The following GRID2 variants were observed in gnomAD, a reference collection of about 807,000 sequenced individuals.
GRID2 encodes glutamate receptor ionotropic, delta-2.
In GRID2, 33 loss-of-function variants were observed where a neutral mutation model predicts 114.8. That is an observed-to-expected ratio of 0.29 (90% CI 0.22 to 0.38). The LOEUF (loss-of-function observed/expected upper bound fraction) is 0.38. Among genes scored for constraint, GRID2 ranks in the 10% least tolerant of loss-of-function variants. The pLI is 1.00. For missense variants in GRID2, 1,184 were observed against 1,257.7 expected (o/e 0.94, Z 0.89); for synonymous variants, 505 against 449.9 (o/e 1.12, Z -1.55).
intron 2 of GRID2, among the ~76,000 whole-genome samples, chr4:92,773,254 A>C (rs75907058): frequency 0.012 from 1,880 of 152,348 alleles, 15 homozygotes; most frequent in Non-Finnish European, 0.018. Context: ...CCACTCTGGC[A>C]TCAGTTGAAA....
At chr4:92,372,034 A>G (rs925389235) in intron 1 of GRID2, among the ~76,000 whole-genome samples, 2 of 152,312 alleles carry the variant, frequency 1.3e-5, no homozygotes, top group Middle Eastern at 3.4e-3. Flanking sequence ...CAAAAGAACT[A>G]TAATTGAAAG....
At chr4:93,288,267 G>T (rs1036663697) in intron 8 of GRID2, among the ~76,000 whole-genome samples, 10 of 152,146 alleles carry the variant, frequency 6.6e-5, no homozygotes, top group African/African-American at 1.2e-4. Context: ...GCAGCAGTTG[G>T]ATTGATAGAA....
At chr4:93,319,260 G>GT (rs772504057) in intron 8 of GRID2, among the ~76,000 whole-genome samples, 4 of 152,062 alleles carry the variant, frequency 2.6e-5, no homozygotes, top group Non-Finnish European at 5.9e-5. Context: ...TCAATATGTT[G>GT]TTTTTCATAA....
At chr4:93,311,000 A>T (rs1755951751) in intron 8 of GRID2, among the ~76,000 whole-genome samples, 10 of 152,164 alleles carry the variant, frequency 6.6e-5, no homozygotes. Context: ...CATGTTGAAT[A>T]AACAATTGGA....
intron 1 of GRID2, among the ~76,000 whole-genome samples, chr4:92,321,820 TA>T (rs1726329336): frequency 6.6e-6 from 1 of 152,196 alleles, no homozygotes; most frequent in Non-Finnish European, 1.5e-5. Flanking sequence ...ATAAGCGTTG[TA>T]TTTGATGTCA....
chr4:93,628,690 T>C (rs913473193), intron 14 of GRID2, among the ~76,000 whole-genome samples: 4 of 152,030 alleles, frequency 2.6e-5, no homozygotes, highest in Non-Finnish European at 4.4e-5. Flanking sequence ...AAAAGGATTA[T>C]TGATTATTGA....
At chr4:92,537,188 T>C (rs906111544) in intron 1 of GRID2, among the ~76,000 whole-genome samples, 1 of 152,216 alleles carries the variant, frequency 6.6e-6, no homozygotes, top group Admixed American at 6.5e-5. Flanking sequence ...TGTGCACTCA[T>C]TGTATGTTGG....
intron 2 of GRID2, among the ~76,000 whole-genome samples, chr4:92,704,227 G>A (rs575737703): frequency 3.3e-4 from 50 of 152,234 alleles, no homozygotes; most frequent in Non-Finnish European, 5.9e-4. Context: ...GCAGTGAGCC[G>A]AGATCGCGCC....
At chr4:92,690,905 T>C (rs907998367) in intron 2 of GRID2, among the ~76,000 whole-genome samples, 4 of 152,202 alleles carry the variant, frequency 2.6e-5, no homozygotes, top group Non-Finnish European at 4.4e-5. Flanking sequence ...TTTTTATTTT[T>C]ATTGTGTTTT....
intron 2 of GRID2, among the ~76,000 whole-genome samples, chr4:93,013,767 TTAAC>T (rs1157809162): frequency 1.3e-5 from 2 of 152,002 alleles, no homozygotes; most frequent in African/African-American, 4.8e-5. Context: ...TCAGAATTAT[TTAAC>T]TAATCCACTT....
chr4:92,937,458 A>G (rs1376964278), intron 2 of GRID2, among the ~76,000 whole-genome samples: 7 of 146,704 alleles, frequency 4.8e-5, no homozygotes, highest in African/African-American at 1.7e-4. Context: ...CTTGCCTTCA[A>G]AAAATGGTCT....
chr4:93,470,862 G>A (rs560961650), intron 11 of GRID2, among the ~76,000 whole-genome samples: 35 of 152,032 alleles, frequency 2.3e-4, no homozygotes, highest in African/African-American at 8.2e-4. Flanking sequence ...CTTATTAAGA[G>A]CCATTTTCAT....
At chr4:93,417,144 A>C (rs984718646) in intron 9 of GRID2, among the ~76,000 whole-genome samples, 7 of 152,146 alleles carry the variant, frequency 4.6e-5, no homozygotes, top group African/African-American at 1.4e-4. Flanking sequence ...GTCCCTATAA[A>C]GGAAGACTCA....
At chr4:93,474,696 C>T (rs1252363576) in intron 11 of GRID2, among the ~76,000 whole-genome samples, 1 of 152,108 alleles carries the variant, frequency 6.6e-6, no homozygotes, top group Admixed American at 6.6e-5. Flanking sequence ...CCTAAATTCT[C>T]TGACATATGT....
chr4:92,859,702 A>G (rs1007071374), intron 2 of GRID2, among the ~76,000 whole-genome samples: 10 of 152,184 alleles, frequency 6.6e-5, no homozygotes, highest in Non-Finnish European at 1.5e-4. Flanking sequence ...ATACCTTAAC[A>G]AAGAGAATAA....
intron 1 of GRID2, among the ~76,000 whole-genome samples, chr4:92,536,133 C>T (rs1414383645): frequency 1.3e-5 from 2 of 152,198 alleles, no homozygotes; most frequent in Non-Finnish European, 2.9e-5. Flanking sequence ...CGGTGGCCTG[C>T]TTTTATTCCC....
At chr4:92,794,796 C>T (rs551703174) in intron 2 of GRID2, among the ~76,000 whole-genome samples, 14 of 149,870 alleles carry the variant, frequency 9.3e-5, no homozygotes, top group African/African-American at 3.2e-4. Context: ...TTTGACTACA[C>T]AAAAACTTAA....
At chr4:92,585,717 T>G (rs2149206770) in intron 1 of GRID2, among the ~76,000 whole-genome samples, 1 of 152,038 alleles carries the variant, frequency 6.6e-6, no homozygotes, top group East Asian at 1.9e-4. Flanking sequence ...CATAATTTTT[T>G]CTCTACTATC....
chr4:92,407,896 T>C (rs1731102424), intron 1 of GRID2, among the ~76,000 whole-genome samples: 1 of 152,196 alleles, frequency 6.6e-6, no homozygotes, highest in Admixed American at 6.6e-5. Context: ...CTGTTTACTT[T>C]GTTGGTAATT....
Sources: allele counts gnomAD v4.1 joint callset (sites outside exome capture counted in the v4.1 genomes callset), GRCh38; gene constraint gnomAD v4.1.1; transcripts MANE v1.5; gene names NCBI Gene and HGNC (gene_info 2026-07-23, HGNC 2026-07-21).